The following MITF variants were observed in gnomAD, a reference collection of about 807,000 sequenced individuals.
MITF encodes microphthalmia-associated transcription factor.
MITF carries 17 observed loss-of-function variants against 60.5 expected under a neutral mutation model. The ratio of observed to expected loss-of-function variants is 0.28; its 90% CI spans 0.19 to 0.42. The LOEUF is 0.42. Ranked by LOEUF, MITF falls within the 10% of genes least tolerant of loss-of-function variation. MITF has a pLI of 1.00. For synonymous variants in MITF, 260 were observed against 248.5 expected, an observed-to-expected ratio of 1.05 and a Z score of -0.43; for missense variants, 622 against 683.5, an observed-to-expected ratio of 0.91 and a Z score of 1.00.
At chr3:69,756,918 C>T (rs147324156) in intron 1 of MITF, among the ~76,000 whole-genome samples, 3,693 of 152,140 alleles carry the variant, frequency 0.024, 57 homozygotes, top group South Asian at 0.045. Flanking sequence ...GTTTGTTGGC[C>T]GCATAAATGT....
chr3:69,934,046 T>G (rs988878334), intron 2 of MITF, among the ~76,000 whole-genome samples: 7 of 151,998 alleles, frequency 4.6e-5, no homozygotes, highest in Admixed American at 6.6e-5. Context: ...GAAGTAAACA[T>G]AGAGAGGCTA....
At chr3:69,940,946 G>A (rs747385366) in intron 4 of MITF, among the ~76,000 whole-genome samples, 2 of 152,116 alleles carry the variant, frequency 1.3e-5, no homozygotes, top group African/African-American at 2.4e-5. Flanking sequence ...TACGGTTTTC[G>A]TTAGGGCAAA....
intron 1 of MITF, among the ~76,000 whole-genome samples, chr3:69,839,000 T>A (rs1337384935): frequency 6.6e-6 from 1 of 152,208 alleles, no homozygotes; most frequent in African/African-American, 2.4e-5. Flanking sequence ...TATGTGCTTG[T>A]TTATGACCTT....
chr3:69,945,306 T>C (rs1214420671), intron 5 of MITF, among the ~76,000 whole-genome samples: 2 of 152,220 alleles, frequency 1.3e-5, no homozygotes, highest in African/African-American at 4.8e-5. Context: ...AATTTGTTTG[T>C]CCGGATTAGA....
At chr3:69,918,903 T>A (rs1027335095) in intron 2 of MITF, among the ~76,000 whole-genome samples, 1 of 152,248 alleles carries the variant, frequency 6.6e-6, no homozygotes, top group African/African-American at 2.4e-5. Context: ...GGCTTGTTGT[T>A]AAGTAAATAA....
At chr3:69,794,974 G>C (rs1390168875) in intron 1 of MITF, among the ~76,000 whole-genome samples, 1 of 152,202 alleles carries the variant, frequency 6.6e-6, no homozygotes, top group Non-Finnish European at 1.5e-5. Context: ...AGTAGGCTCT[G>C]TATGAATAAT....
At chr3:69,959,601 G>A (rs2066490482) in intron 9 of MITF, among the ~76,000 whole-genome samples, 181 bp downstream of exon 9, 1 of 152,144 alleles carries the variant, frequency 6.6e-6, no homozygotes, top group South Asian at 2.1e-4. Flanking sequence ...AGTATCTGTG[G>A]CACTTCCACA....
At chr3:69,893,602 A>G (rs1372546589) in intron 2 of MITF, among the ~76,000 whole-genome samples, 1 of 152,202 alleles carries the variant, frequency 6.6e-6, no homozygotes, top group Non-Finnish European at 1.5e-5. Context: ...ATTGAGCCAC[A>G]TAATGGGTTC....
intron 1 of MITF, among the ~76,000 whole-genome samples, chr3:69,793,620 T>C (rs1388335984): frequency 8.3e-6 from 1 of 121,068 alleles, no homozygotes. Context: ...TTGCTCCTGT[T>C]GAGAACCACT....
intron 2 of MITF, among the ~76,000 whole-genome samples, chr3:69,901,213 CAAAA>C (rs201494705): frequency 1.3e-5 from 1 of 75,186 alleles, no homozygotes; most frequent in African/African-American, 4.3e-5. Flanking sequence ...TGTGATTTTT[CAAAA>C]AAAAAAAAAA....
chr3:69,855,490 G>C (rs1233842425), intron 1 of MITF, among the ~76,000 whole-genome samples: 2 of 151,730 alleles, frequency 1.3e-5, no homozygotes, highest in African/African-American at 4.8e-5. Flanking sequence ...TTTGACCTCT[G>C]AAATGAAAAT....
intron 7 of MITF, among the ~76,000 whole-genome samples, chr3:69,953,591 A>G (rs1348322024): frequency 6.7e-6 from 1 of 149,734 alleles, no homozygotes; most frequent in Admixed American, 6.7e-5. Context: ...ATGTGTGTAT[A>G]TATATATATG....
At chr3:69,848,603 G>A (rs1347405630) in intron 1 of MITF, among the ~76,000 whole-genome samples, 1 of 152,132 alleles carries the variant, frequency 6.6e-6, no homozygotes, top group African/African-American at 2.4e-5. Context: ...TTCTCTTTCT[G>A]CACGGTAATA....
intron 2 of MITF, among the ~76,000 whole-genome samples, chr3:69,905,250 C>T (rs11128145): frequency 6.6e-6 from 1 of 152,108 alleles, no homozygotes; most frequent in Non-Finnish European, 1.5e-5. Context: ...GGGAGAGAGG[C>T]CTGGCTTCTT....
chr3:69,905,622 C>T (rs1158379751), intron 2 of MITF, among the ~76,000 whole-genome samples: 2 of 152,024 alleles, frequency 1.3e-5, no homozygotes, highest in African/African-American at 4.8e-5. Context: ...AGTTCTATTT[C>T]CTTATATCCT....
chr3:69,896,360 A>G (rs566671338), intron 2 of MITF, among the ~76,000 whole-genome samples: 2 of 152,334 alleles, frequency 1.3e-5, no homozygotes, highest in East Asian at 1.9e-4. Flanking sequence ...CTGTGCTAAC[A>G]CAGGACATTC....
intron 1 of MITF, among the ~76,000 whole-genome samples, chr3:69,844,768 C>CA (rs1553687970): frequency 6.7e-6 from 1 of 149,772 alleles, no homozygotes; most frequent in Admixed American, 6.6e-5. Flanking sequence ...ACTTAAACAG[C>CA]TTTTTTTTTT....
chr3:69,876,616 G>A (rs2064360133), intron 1 of MITF, among the ~76,000 whole-genome samples: 1 of 152,162 alleles, frequency 6.6e-6, no homozygotes, highest in South Asian at 2.1e-4. Flanking sequence ...GTGGATGAGT[G>A]CATGATATTA....
intron 1 of MITF, among the ~76,000 whole-genome samples, chr3:69,860,597 C>CAAAAA (rs1039213953): frequency 3.3e-5 from 2 of 60,758 alleles, no homozygotes; most frequent in Non-Finnish European, 3.1e-5. Context: ...GACTCCGTCT[C>CAAAAA]AAAAAAAAAA....
Sources: allele counts gnomAD v4.1 joint callset (sites outside exome capture counted in the v4.1 genomes callset), GRCh38; gene constraint gnomAD v4.1.1; transcripts MANE v1.5; gene names NCBI Gene and HGNC (gene_info 2026-07-23, HGNC 2026-07-21).